KCNAB1: variants seen among roughly 807,000 people sequenced by gnomAD.
The protein encoded by KCNAB1 is voltage-gated potassium channel subunit beta-1.
In KCNAB1, 35 loss-of-function variants were observed where a neutral mutation model predicts 64.6. That is an observed-to-expected ratio of 0.54 (90% CI 0.41 to 0.72). KCNAB1 has a LOEUF of 0.72. Among genes scored for constraint, KCNAB1 ranks in the 30% least tolerant of loss-of-function variants. The pLI, the probability that KCNAB1 is intolerant of heterozygous loss-of-function variation, is 0.00. For synonymous variants in KCNAB1, 177 were observed against 183.8 expected (o/e 0.96, Z 0.30); for missense variants, 401 against 512.9 (o/e 0.78, Z 2.11).
At chr3:156,529,785 G>A (rs2108421783) in intron 12 of KCNAB1, among the ~76,000 whole-genome samples, 1 of 152,334 alleles carries the variant, frequency 6.6e-6, no homozygotes, top group South Asian at 2.1e-4. Flanking sequence ...TCCAGATTGG[G>A]GAGCCACATT....
chr3:156,140,358 C>A (rs1415183930), intron 1 of KCNAB1, among the ~76,000 whole-genome samples: 2 of 152,158 alleles, frequency 1.3e-5, no homozygotes, highest in African/African-American at 4.8e-5. Flanking sequence ...ACATTAATTT[C>A]TCACAGTTCT....
intron 1 of KCNAB1, among the ~76,000 whole-genome samples, chr3:156,179,027 A>T (rs1712600373): frequency 7.0e-6 from 1 of 142,768 alleles, no homozygotes; most frequent in Non-Finnish European, 1.5e-5. Context: ...AAAAAAAAAA[A>T]TTGATTATTT....
intron 1 of KCNAB1, among the ~76,000 whole-genome samples, chr3:156,168,612 C>G (rs2108321352): frequency 6.6e-6 from 1 of 152,160 alleles, no homozygotes; most frequent in Non-Finnish European, 1.5e-5. Flanking sequence ...ATATGTTAAG[C>G]AATACAACAT....
chr3:156,315,983 C>T (rs979223461), intron 1 of KCNAB1, among the ~76,000 whole-genome samples: 1 of 152,108 alleles, frequency 6.6e-6, no homozygotes, highest in African/African-American at 2.4e-5. Flanking sequence ...AGAGAAATTC[C>T]GTGTGTTCAC....
At chr3:156,229,776 G>A (rs1460316862) in intron 1 of KCNAB1, among the ~76,000 whole-genome samples, 1 of 152,162 alleles carries the variant, frequency 6.6e-6, no homozygotes, top group Non-Finnish European at 1.5e-5. Flanking sequence ...CTCTCCAGTT[G>A]GGTGTTGGTA....
At chr3:156,274,254 A>T (rs1429278232) in intron 1 of KCNAB1, among the ~76,000 whole-genome samples, 1 of 152,136 alleles carries the variant, frequency 6.6e-6, no homozygotes, top group Non-Finnish European at 1.5e-5. Context: ...AAACACCAAA[A>T]CCAAGAAGAC....
chr3:156,193,833 T>C (rs1315543716), intron 1 of KCNAB1, among the ~76,000 whole-genome samples: 3 of 152,270 alleles, frequency 2.0e-5, no homozygotes, highest in Non-Finnish European at 2.9e-5. Context: ...TATCAGTGGC[T>C]AGTATGATGT....
chr3:156,189,328 C>T (rs1275659281), intron 1 of KCNAB1, among the ~76,000 whole-genome samples: 4 of 152,172 alleles, frequency 2.6e-5, no homozygotes, highest in African/African-American at 9.7e-5. Flanking sequence ...AGGGAGCCAC[C>T]CCAAAGACAA....
At chr3:156,226,065 A>G (rs138313479) in intron 1 of KCNAB1, among the ~76,000 whole-genome samples, 3 of 152,284 alleles carry the variant, frequency 2.0e-5, no homozygotes, top group South Asian at 2.1e-4. Flanking sequence ...CTAGAAAAAA[A>G]TCCTAAAATT....
intron 8 of KCNAB1, among the ~76,000 whole-genome samples, chr3:156,497,480 T>G (rs995664305): frequency 6.6e-6 from 1 of 152,194 alleles, no homozygotes; most frequent in African/African-American, 2.4e-5. Context: ...TTAAAATAGT[T>G]AAAAGCCTGT....
chr3:156,273,535 TCTCC>T, intron 1 of KCNAB1: 1 of 455,358 alleles, frequency 2.2e-6, no homozygotes. Flanking sequence ...ATTGCTGCAC[TCTCC>T]CTCCCCTAAG....
intron 1 of KCNAB1, among the ~76,000 whole-genome samples, chr3:156,231,449 C>T (rs1423730094): frequency 6.6e-6 from 1 of 151,750 alleles, no homozygotes. Flanking sequence ...GAAAAATCCA[C>T]ATTCTATAGA....
intron 1 of KCNAB1, among the ~76,000 whole-genome samples, chr3:156,387,940 T>C (rs1419162117): frequency 1.3e-5 from 2 of 152,248 alleles, no homozygotes; most frequent in East Asian, 1.9e-4. Context: ...GTATTTGTTA[T>C]TGTACTTTTA....
At chr3:156,331,593 A>C (rs912059857) in intron 1 of KCNAB1, among the ~76,000 whole-genome samples, 1 of 152,176 alleles carries the variant, frequency 6.6e-6, no homozygotes, top group Non-Finnish European at 1.5e-5. Context: ...TTTAAAGTAA[A>C]ATTTAGAGTA....
chr3:156,445,726 C>G (rs952167165), intron 2 of KCNAB1, among the ~76,000 whole-genome samples: 1 of 152,176 alleles, frequency 6.6e-6, no homozygotes, highest in African/African-American at 2.4e-5. Flanking sequence ...AGTCCCTGAT[C>G]TCAGGATAGT....
At chr3:156,282,437 A>G (rs1329606478) in intron 1 of KCNAB1, among the ~76,000 whole-genome samples, 1 of 149,132 alleles carries the variant, frequency 6.7e-6, no homozygotes, top group East Asian at 2.0e-4. Context: ...AAAAATGTAT[A>G]TTCTGTTGAT....
At chr3:156,527,091 C>T (rs1193344335) in intron 12 of KCNAB1, among the ~76,000 whole-genome samples, 2 of 152,070 alleles carry the variant, frequency 1.3e-5, no homozygotes, top group Non-Finnish European at 2.9e-5. Flanking sequence ...GGGGAAAATG[C>T]CATGTACCGT....
chr3:156,474,690 C>T (rs755749555), intron 7 of KCNAB1, 44 bp from the exon 8 acceptor site: 1 of 1,362,746 alleles, frequency 7.3e-7, no homozygotes, highest in East Asian at 2.3e-5. Context: ...CTGAATAGTG[C>T]TCATATTTAG....
intron 1 of KCNAB1, among the ~76,000 whole-genome samples, chr3:156,394,400 A>G (rs1358656375): frequency 6.6e-6 from 1 of 152,180 alleles, no homozygotes; most frequent in Non-Finnish European, 1.5e-5. Flanking sequence ...AAGTTGGGCT[A>G]AGATAGAAAT....
Sources: gnomAD v4.1 joint callset for allele counts (sites outside exome capture counted in the v4.1 genomes callset) on GRCh38, gnomAD v4.1.1 for gene constraint, MANE v1.5 for transcripts, NCBI Gene and HGNC (gene_info 2026-07-23, HGNC 2026-07-21) for gene names.